The following C16orf95 variants were observed in gnomAD, a reference collection of about 807,000 sequenced individuals.
C16orf95 encodes chromosome 16 open reading frame 95.
C16orf95 carries 41 observed loss-of-function variants against 32.1 expected under a neutral mutation model. The observed-to-expected ratio is 1.28, with a 90% CI of 1.00 to 1.66. The LOEUF is 1.66. Among genes scored for constraint, C16orf95 ranks in the 40% most tolerant of loss-of-function variants. The probability of loss-of-function intolerance (pLI) is 0.00; values close to 1 mark genes in which losing one functional copy is unlikely to be tolerated. For missense variants in C16orf95, 399 were observed against 325.9 expected (o/e 1.22, Z -1.73); for synonymous variants, 147 against 128.9 (o/e 1.14, Z -0.95).
intron 2 of C16orf95, among the ~76,000 whole-genome samples, 165 bp from the exon 3 acceptor site, chr16:87,315,261 T>A (rs372052309): frequency 6.6e-5 from 10 of 152,294 alleles, no homozygotes; most frequent in African/African-American, 2.4e-4. Context: ...TGGCTCGCCC[T>A]GAGGCCTCCA....
At chr16:87,309,159 T>C (rs1394468584) in intron 5 of C16orf95, among the ~76,000 whole-genome samples, 1 of 152,074 alleles carries the variant, frequency 6.6e-6, no homozygotes, top group Non-Finnish European at 1.5e-5. Flanking sequence ...AAATGTGATG[T>C]TTGTTTTGGG....
rs1597349688 is a variant in C16orf95, at chr16:87,317,333, G to A, written c.-91C>T. 10 of 1,439,536 alleles carry A rather than the reference G, an allele frequency of 6.9e-6. No individual in the cohort carries two copies. In the East Asian group the frequency reaches 1.6e-4, roughly 23 times the overall value. 89.2% of individuals were successfully genotyped at this position (1,439,536 alleles called of 1,614,324 possible). ...CCCGCCTTTCCCTCCTGCCCCAGGAGGAACCCAACCCGAGCTCAACCCCAG... is the reference window on the plus strand; with the variant it reads ...CCCGCCTTTCCCTCCTGCCCCAGGAAGAACCCAACCCGAGCTCAACCCCAG... On this transcript the variant is annotated 5_prime_UTR_variant, in exon 1 of 7. Transcript: ENST00000567970.
intron 5 of C16orf95, among the ~76,000 whole-genome samples, chr16:87,306,899 T>C (rs1471724491): frequency 6.6e-6 from 1 of 152,234 alleles, no homozygotes; most frequent in Non-Finnish European, 1.5e-5. Context: ...ATGATGCATG[T>C]CAACTAAGCT....
chr16:87,307,002 A>G (rs147002964), intron 5 of C16orf95, among the ~76,000 whole-genome samples: 3 of 152,362 alleles, frequency 2.0e-5, no homozygotes, highest in African/African-American at 7.2e-5. Context: ...TCGAAGAGCC[A>G]TAAGAGGTGA....
intron 1 of C16orf95, among the ~76,000 whole-genome samples, chr16:87,316,266 T>G (rs1904331242): frequency 6.6e-6 from 1 of 152,180 alleles, no homozygotes; most frequent in Non-Finnish European, 1.5e-5. Flanking sequence ...ATGAACCTCC[T>G]TCCACTATAA....
chr16:87,304,465 C>A (rs1190132557), intron 6 of C16orf95, among the ~76,000 whole-genome samples: 1 of 152,096 alleles, frequency 6.6e-6, no homozygotes, highest in Non-Finnish European at 1.5e-5. Flanking sequence ...ACAAAGGAGT[C>A]AAACTAAATG....
Position 87,317,355 on chromosome 16 carries a change from C to T in C16orf95, c.-113G>A, listed in dbSNP as rs1046218010. ...GGAGGAACCCAACCCGAGCTCAACC[C>T]CAGCCCCAACCTCAACCGCTCAGAG... On this transcript the variant is annotated 5_prime_UTR_variant, in exon 1 of 7. Coordinates refer to ENST00000567970, the MANE Select transcript of C16orf95 (RefSeq NM_001195124.3). 6 of 1,418,220 alleles carry T rather than the reference C, an allele frequency of 4.2e-6. No individual in the cohort carries two copies. The highest frequency in any genetic ancestry group is 4.0e-4 in the Middle Eastern group (2 of 5,022). The allele number at this position is 1,418,220 out of a possible 1,614,324, so 87.9% of individuals were successfully genotyped here.
At chr16:87,311,544 C>A (rs1911285041) in intron 3 of C16orf95, among the ~76,000 whole-genome samples, 1 of 152,206 alleles carries the variant, frequency 6.6e-6, no homozygotes, top group African/African-American at 2.4e-5. Flanking sequence ...GCCTCCCTAC[C>A]CACCATCTGC....
chr16:87,308,476 C>CAATAAATAAATA (rs60809347), intron 5 of C16orf95, among the ~76,000 whole-genome samples: 5 of 146,802 alleles, frequency 3.4e-5, no homozygotes, highest in Admixed American at 6.8e-5. Context: ...GACTGCATCT[C>CAATAAATAAATA]AATAAATAAA....
intron 5 of C16orf95, among the ~76,000 whole-genome samples, chr16:87,309,121 T>C: frequency 6.6e-6 from 1 of 152,302 alleles, no homozygotes; most frequent in East Asian, 1.9e-4. Context: ...TCAGTGAGTT[T>C]ACCATTGTTC....
chr16:87,308,430 G>A (rs574560573), intron 5 of C16orf95, among the ~76,000 whole-genome samples: 48 of 152,144 alleles, frequency 3.2e-4, no homozygotes, highest in Admixed American at 1.5e-3. Flanking sequence ...GTGGTGAGCC[G>A]AGATTGCGCC....
At chr16:87,304,243 C>T (rs1396471157) in intron 6 of C16orf95, among the ~76,000 whole-genome samples, 3 of 150,346 alleles carry the variant, frequency 2.0e-5, no homozygotes, top group African/African-American at 4.9e-5. Flanking sequence ...CTCCTGGGCT[C>T]AAGTGATCCT....
chr16:87,306,679 T>C (rs1911045445), intron 5 of C16orf95, among the ~76,000 whole-genome samples: 1 of 152,206 alleles, frequency 6.6e-6, no homozygotes. Flanking sequence ...GTCTCACATT[T>C]TTAAATCACT....
rs1239770775 is a variant in C16orf95 at position 87,305,600 on chromosome 16, G to A, written c.701+119C>T. On this transcript the variant is annotated intron_variant, in intron 6 of 6. Transcript: ENST00000567970. This position sits in a 1 kb window ranked among gnomAD's most constrained non-coding sequence, Gnocchi z 4.2. Reference sequence around the variant, plus strand: ...ACACTCACAGTGCCGGGCCTTGGACGCCTGTCAAGTTAAGCCCCACCCCCC... The same window carrying A: ...ACACTCACAGTGCCGGGCCTTGGACACCTGTCAAGTTAAGCCCCACCCCCC... The A allele has an allele frequency of 2.5e-5, 21 of 845,704 alleles. No homozygotes were observed. The highest frequency in any genetic ancestry group is 5.4e-5 in the African/African-American group (3 of 55,718). The allele number at this position is 845,704 out of a possible 1,614,324, so 52.4% of individuals were successfully genotyped here. A position where few individuals can be genotyped will look rare whatever the true frequency, so the allele number is the denominator to read the frequency against.
chr16:87,314,953 C>T lies in C16orf95; in HGVS notation c.330+18G>A. The T allele has an allele frequency of 1.3e-6, 2 of 1,535,056 alleles. No homozygotes were observed. Among genetic ancestry groups the T allele is most frequent in the African/African-American group, 2.7e-5 (2 of 73,142 alleles). On this transcript the variant is annotated intron_variant, in intron 3 of 6. Transcript: ENST00000567970. ...ACCCTGGACCCTAGGGGAAGACCTC[C>T]TGGTTCAAGTCACCTACCTGCTTTC...
rs1018299195 is a variant in C16orf95, at chr16:87,317,102, C to A, written c.141G>T (p.Ala47=). The A allele has an allele frequency of 2.6e-6, 4 of 1,525,520 alleles. No individual in the cohort carries two copies. Among genetic ancestry groups the A allele is most frequent in the Non-Finnish European group, 3.5e-6 (4 of 1,140,724 alleles). The allele number at this position is 1,525,520 out of a possible 1,614,324, so 94.5% of individuals were successfully genotyped here. The change falls in exon 1 of 7, where the codon GCG becomes GCT. Residue 47 remains alanine, a synonymous_variant. Coordinates refer to ENST00000567970, the MANE Select transcript of C16orf95 (RefSeq NM_001195124.3). ...CAGGACTCACTTGCCTGCCATCCTGCGCGCTGGGTGTGAGTGCCAACCTGC... is the reference window on the plus strand; with the variant it reads ...CAGGACTCACTTGCCTGCCATCCTGAGCGCTGGGTGTGAGTGCCAACCTGC... The part of the protein sequence containing the change: ...GLCRLALTPS[A]QDGRNSTFQT...
intron 1 of C16orf95, 92 bp downstream of exon 1, chr16:87,316,999 T>C (rs777515624): frequency 8.6e-6 from 12 of 1,402,446 alleles, no homozygotes; most frequent in Non-Finnish European, 1.1e-5. Context: ...GGTCAAGAGT[T>C]CTGCCTGTGC....
chr16:87,308,015 T>C (rs1428863510), intron 5 of C16orf95, among the ~76,000 whole-genome samples: 1 of 152,186 alleles, frequency 6.6e-6, no homozygotes, highest in Admixed American at 6.5e-5. Flanking sequence ...AGGACTGTAA[T>C]TTGGCTGTAA....
chr16:87,308,889 C>T (rs2150649897), intron 5 of C16orf95, among the ~76,000 whole-genome samples: 1 of 152,306 alleles, frequency 6.6e-6, no homozygotes, highest in South Asian at 2.1e-4. Context: ...TAAGCTGAGC[C>T]AGTTGAGATG....
Sources: gnomAD v4.1 joint callset for allele counts (sites outside exome capture counted in the v4.1 genomes callset) on GRCh38, gnomAD v4.1.1 for gene constraint, Gnocchi (gnomAD v3.1) non-coding constraint, MANE v1.5 for transcripts, NCBI Gene and HGNC (gene_info 2026-07-23, HGNC 2026-07-21) for gene names.